The following TCERG1L variants were observed in gnomAD, a reference collection of about 807,000 sequenced individuals.
The protein encoded by TCERG1L is transcription elongation regulator 1-like protein.
In TCERG1L, 37 loss-of-function variants were observed where a neutral mutation model predicts 56.3. The ratio of observed to expected loss-of-function variants is 0.66; its 90% CI spans 0.51 to 0.87. TCERG1L has a LOEUF of 0.87. Among genes scored for constraint, TCERG1L ranks in the 40% least tolerant of loss-of-function variants. The pLI, the probability that TCERG1L is intolerant of heterozygous loss-of-function variation, is 0.00. For missense variants in TCERG1L, 799 were observed against 774.2 expected, an observed-to-expected ratio of 1.03 and a Z score of -0.38; for synonymous variants, 324 against 326.3, an observed-to-expected ratio of 0.99 and a Z score of 0.08.
At chr10:131,287,671 C>A (rs113901639) in intron 3 of TCERG1L, among the ~76,000 whole-genome samples, 3 of 152,104 alleles carry the variant, frequency 2.0e-5, no homozygotes, top group African/African-American at 7.2e-5. Context: ...CCATCTAGAG[C>A]GGGCTTACTC....
intron 9 of TCERG1L, among the ~76,000 whole-genome samples, 181 bp from the exon 10 acceptor site, chr10:131,104,535 T>C (rs1294176928): frequency 2.0e-5 from 3 of 152,224 alleles, no homozygotes; most frequent in African/African-American, 7.2e-5. Flanking sequence ...AAACCAATAC[T>C]AGAACATCAG....
intron 3 of TCERG1L, among the ~76,000 whole-genome samples, chr10:131,277,124 T>C (rs1846401298): frequency 1.3e-5 from 2 of 150,802 alleles, no homozygotes; most frequent in African/African-American, 4.9e-5. Context: ...GAAAACAACA[T>C]CACCACTGAG....
chr10:131,109,120 C>T (rs1336000008), intron 9 of TCERG1L, among the ~76,000 whole-genome samples: 1 of 152,168 alleles, frequency 6.6e-6, no homozygotes, highest in African/African-American at 2.4e-5. Context: ...CCCAGCACGT[C>T]CCCGAGACCA....
Position 131,102,110 on chromosome 10 carries a change from A to T in TCERG1L, c.1485+2155T>A, listed in dbSNP as rs1301977556. On this transcript the variant is annotated intron_variant, in intron 10 of 11. Coordinates refer to ENST00000368642, the MANE Select transcript of TCERG1L (RefSeq NM_174937.4). ...ATAGGAAAAAATTATATAACACCCA[A>T]ACTCAGCTAACTCTATTGTAGCATT... is the stretch of plus-strand genomic sequence containing the variant. Among the ~76,000 whole-genome samples, 4 of 152,370 alleles carry T rather than the reference A, an allele frequency of 2.6e-5. No homozygotes were observed. The East Asian group carries it at 7.7e-4, about 29-fold the overall frequency.
chr10:131,301,036 T>C (rs1364774727), intron 3 of TCERG1L, among the ~76,000 whole-genome samples: 1 of 152,054 alleles, frequency 6.6e-6, no homozygotes, highest in Non-Finnish European at 1.5e-5. Context: ...TTTGTACCCT[T>C]ACCCCAGCTT....
intron 3 of TCERG1L, among the ~76,000 whole-genome samples, chr10:131,285,490 AAG>A (rs1279296802): frequency 2.5e-4 from 5 of 19,626 alleles, no homozygotes; most frequent in Non-Finnish European, 9.1e-4. Flanking sequence ...GAAAGAAAGA[AAG>A]AAAGAAAGAA....
rs1045573942 is a variant in TCERG1L at position 131,120,756 on chromosome 10, G to A, written c.1260-3822C>T. Among the ~76,000 whole-genome samples the A allele has an allele frequency of 1.4e-4, 22 of 152,336 alleles. 1 individual carries two copies. In the Middle Eastern group the frequency reaches 0.017, roughly 118 times the overall value. ...AGCCCCAGCATGCTCCCCTGAGGTG[G>A]TCCTAGCACTCACCTAGAGCTGTCA... On this transcript the variant is annotated intron_variant, in intron 8 of 11. Coordinates refer to ENST00000368642, the MANE Select transcript of TCERG1L (RefSeq NM_174937.4).
intron 7 of TCERG1L, among the ~76,000 whole-genome samples, chr10:131,140,746 G>T (rs1331997495): frequency 6.6e-6 from 1 of 152,190 alleles, no homozygotes; most frequent in African/African-American, 2.4e-5. Flanking sequence ...GGCAAACAAG[G>T]GCGGGCACCA....
chr10:131,196,276 T>G (rs1447640488), intron 4 of TCERG1L, among the ~76,000 whole-genome samples: 1 of 152,226 alleles, frequency 6.6e-6, no homozygotes, highest in Non-Finnish European at 1.5e-5. Flanking sequence ...CATCCACCAC[T>G]TCTTGAAGAG....
chr10:131,145,810 T>C (rs1481182191), intron 7 of TCERG1L, among the ~76,000 whole-genome samples: 1 of 152,230 alleles, frequency 6.6e-6, no homozygotes, highest in African/African-American at 2.4e-5. Flanking sequence ...TGCTCTCAAA[T>C]GTCTGCAGTG....
At chr10:131,119,036 G>A (rs1395422585) in intron 8 of TCERG1L, among the ~76,000 whole-genome samples, 4 of 152,120 alleles carry the variant, frequency 2.6e-5, no homozygotes, top group Non-Finnish European at 5.9e-5. Context: ...TGGATGCTAG[G>A]TAAAGATTAC....
At chr10:131,249,866 C>A (rs908799996) in intron 4 of TCERG1L, among the ~76,000 whole-genome samples, 2 of 152,162 alleles carry the variant, frequency 1.3e-5, no homozygotes, top group Non-Finnish European at 2.9e-5. Flanking sequence ...CAAATAAGAA[C>A]CTGGGGAGAG....
chr10:131,239,988 C>T (rs1042578222), intron 4 of TCERG1L, among the ~76,000 whole-genome samples: 12 of 152,142 alleles, frequency 7.9e-5, no homozygotes, highest in African/African-American at 2.9e-4. Context: ...CTTGTTCAGG[C>T]ACACACCCCG....
At chr10:131,308,064 A>T (rs930426246) in intron 3 of TCERG1L, 147 bp downstream of exon 3, 51 of 972,330 alleles carry the variant, frequency 5.2e-5, no homozygotes, top group South Asian at 7.8e-5. Flanking sequence ...AGTTTTTTTT[A>T]AAAAAGCTTC....
intron 4 of TCERG1L, among the ~76,000 whole-genome samples, chr10:131,247,923 C>A (rs1472039538): frequency 6.6e-6 from 1 of 151,904 alleles, no homozygotes. Context: ...CACGCATACA[C>A]ACGACTCACA....
intron 8 of TCERG1L, among the ~76,000 whole-genome samples, chr10:131,127,997 C>T (rs1845580082): frequency 6.6e-6 from 1 of 151,810 alleles, no homozygotes; most frequent in Non-Finnish European, 1.5e-5. Flanking sequence ...GCTGACTATT[C>T]AAAAAGAAGC....
chr10:131,094,507 T>C (rs1385802014), intron 11 of TCERG1L, among the ~76,000 whole-genome samples: 3 of 152,234 alleles, frequency 2.0e-5, no homozygotes, highest in African/African-American at 7.2e-5. Flanking sequence ...CTCATGCTCA[T>C]TTCTGTCATT....
intron 6 of TCERG1L, chr10:131,155,902 C>T (rs1446923256): frequency 6.6e-6 from 1 of 152,240 alleles, no homozygotes; most frequent in African/African-American, 2.4e-5. Context: ...ACATTTAATT[C>T]AACATTAGAG....
chr10:131,148,694 A>G (rs866618787), intron 6 of TCERG1L, among the ~76,000 whole-genome samples: 2 of 92,906 alleles, frequency 2.2e-5, no homozygotes, highest in East Asian at 2.8e-4. Flanking sequence ...AGGAATCACG[A>G]GCTCAGGGTT....
Sources: allele counts gnomAD v4.1 joint callset (sites outside exome capture counted in the v4.1 genomes callset), GRCh38; gene constraint gnomAD v4.1.1; transcripts MANE v1.5; gene names NCBI Gene and HGNC (gene_info 2026-07-23, HGNC 2026-07-21).